The following PSPC1 variants were observed in gnomAD, a reference collection of about 807,000 sequenced individuals.
PSPC1 encodes paraspeckle component 1.
PSPC1 carries 14 observed loss-of-function variants against 51.6 expected under a neutral mutation model. The ratio of observed to expected loss-of-function variants is 0.27; its 90% CI spans 0.18 to 0.42. PSPC1 has a LOEUF of 0.42. PSPC1 is among the 10% of genes least tolerant of loss of function. The pLI is 1.00. For synonymous variants in PSPC1, 193 were observed against 231.9 expected, an observed-to-expected ratio of 0.83 and a Z score of 1.53; for missense variants, 406 against 701.1, an observed-to-expected ratio of 0.58 and a Z score of 4.75.
intron 6 of PSPC1, among the ~76,000 whole-genome samples, chr13:19,695,422 C>T (rs1165033669): frequency 1.3e-5 from 2 of 152,154 alleles, no homozygotes; most frequent in African/African-American, 4.8e-5. Flanking sequence ...CACAAACTGC[C>T]CATCTTCCAC....
chr13:19,703,317 G>A lies in PSPC1; in HGVS notation c.1430C>T (p.Ser477Leu), dbSNP rs1182662648. The A allele has an allele frequency of 6.2e-7, 1 of 1,612,772 alleles. No individual in the cohort carries two copies. The highest frequency in any genetic ancestry group is 1.3e-5 in the African/African-American group (1 of 74,878). ...AGAACCTGTTCTACTCCCCATAGGT[G>A]AACCCATCTGAGATGGTGGTCCTTG... ...FPQGPPSQMG[S>L]PMGSRTGSET... is the part of the protein sequence containing the mutation. The change falls in exon 9 of 9, where the codon TCA becomes TTA. Residue 477 changes from serine to leucine, a missense_variant. By Grantham distance (145) the Ser-to-Leu change is moderately radical (BLOSUM62 -2). Around this residue, in one of 5 missense-constraint regions of PSPC1, gnomAD observed 34 missense variants for 158.6 expected, o/e 0.21. Transcript: ENST00000338910.
At chr13:19,692,276 A>T (rs1395117517) in intron 6 of PSPC1, among the ~76,000 whole-genome samples, 1 of 152,074 alleles carries the variant, frequency 6.6e-6, no homozygotes, top group East Asian at 1.9e-4. Flanking sequence ...GGTTTGCGTC[A>T]CCATGCCCGG....
At chr13:19,694,125 A>C (rs1249332970) in intron 6 of PSPC1, among the ~76,000 whole-genome samples, 1 of 32,350 alleles carries the variant, frequency 3.1e-5, no homozygotes, top group Non-Finnish European at 6.6e-5. Flanking sequence ...TCCATCTCAA[A>C]AAAAAAAAAA....
At chr13:19,745,104 G>A (rs1885829482) in intron 4 of PSPC1, among the ~76,000 whole-genome samples, 1 of 152,110 alleles carries the variant, frequency 6.6e-6, no homozygotes, top group South Asian at 2.1e-4. Flanking sequence ...GATCACTTGA[G>A]GTCAGGAGTT....
intron 3 of PSPC1, among the ~76,000 whole-genome samples, chr13:19,758,703 C>T (rs543729347): frequency 7.3e-5 from 11 of 151,572 alleles, no homozygotes; most frequent in Middle Eastern, 3.4e-3. Flanking sequence ...GGCGTGGTGG[C>T]GCACACCTGT....
chr13:19,781,916 A>T (rs1366550836), intron 1 of PSPC1, among the ~76,000 whole-genome samples: 1 of 152,228 alleles, frequency 6.6e-6, no homozygotes, highest in Non-Finnish European at 1.5e-5. Flanking sequence ...GACCAGTGAT[A>T]CGTCTGGTCC....
chr13:19,750,506 C>T (rs1394407586), intron 4 of PSPC1, among the ~76,000 whole-genome samples: 2 of 151,496 alleles, frequency 1.3e-5, no homozygotes, highest in Non-Finnish European at 2.9e-5. Flanking sequence ...TTTCCTAAAT[C>T]CCCATATCAA....
chr13:19,765,798 G>C (rs942604616), intron 2 of PSPC1, among the ~76,000 whole-genome samples: 18 of 152,062 alleles, frequency 1.2e-4, no homozygotes, highest in African/African-American at 4.1e-4. Context: ...AGTATATCAA[G>C]GGTTAATGTT....
chr13:19,772,049 C>T (rs1160099499), intron 2 of PSPC1, among the ~76,000 whole-genome samples, 193 bp downstream of exon 2: 1 of 152,128 alleles, frequency 6.6e-6, no homozygotes, highest in African/African-American at 2.4e-5. Context: ...GATTTAAACT[C>T]TGAAGTTTGA....
intron 2 of PSPC1, among the ~76,000 whole-genome samples, chr13:19,766,932 G>A (rs948154122): frequency 2.0e-5 from 3 of 152,126 alleles, no homozygotes; most frequent in Admixed American, 6.6e-5. Flanking sequence ...GGGAGGCTGA[G>A]GCCAGCTGAG....
intron 7 of PSPC1, among the ~76,000 whole-genome samples, chr13:19,708,169 T>C (rs1164017974): frequency 4.6e-5 from 7 of 152,210 alleles, no homozygotes; most frequent in East Asian, 1.9e-4. Flanking sequence ...ATTAGTAGTA[T>C]TGAAAAACTG....
At chr13:19,691,794 T>C (rs1467351776) in intron 6 of PSPC1, among the ~76,000 whole-genome samples, 1 of 152,096 alleles carries the variant, frequency 6.6e-6, no homozygotes, top group African/African-American at 2.4e-5. Flanking sequence ...GGCAGGTGCC[T>C]GTAGTTCCAG....
chr13:19,730,492 C>G, intron 5 of PSPC1, 148 bp from the exon 6 acceptor site: 1 of 661,200 alleles, frequency 1.5e-6, no homozygotes, highest in Non-Finnish European at 2.6e-6. Flanking sequence ...ATTTACCTTC[C>G]TTCTATGTCA....
Position 19,709,186 on chromosome 13 carries a change from T to C in PSPC1, c.1216+356A>G, listed in dbSNP as rs1461079519. ...AAAAAAAAAAAAAAAAAAAGCCAAA[T>C]AGAAGGCATAAAATTTGATTTTAAA... On this transcript the variant is annotated intron_variant, in intron 7 of 8. Coordinates refer to ENST00000338910, the MANE Select transcript of PSPC1 (RefSeq NM_001354909.2). Among the ~76,000 whole-genome samples the C allele has an allele frequency of 3.1e-3, 363 of 115,390 alleles. 1 individual carries two copies. Among genetic ancestry groups the C allele is most frequent in the Non-Finnish European group, 5.3e-3 (287 of 54,136 alleles). The allele number at this position is 115,390 out of a possible 152,430, so 75.7% of individuals were successfully genotyped here.
intron 7 of PSPC1, among the ~76,000 whole-genome samples, chr13:19,677,011 G>A (rs1876712535): frequency 6.6e-6 from 1 of 152,234 alleles, no homozygotes; most frequent in Admixed American, 6.5e-5. Flanking sequence ...GAGGCGGGTG[G>A]ATCACAAAGT....
chr13:19,700,712 A>G (rs17085913), downstream of PSPC1, among the ~76,000 whole-genome samples: 1,310 of 152,208 alleles, frequency 8.6e-3, 23 homozygotes, highest in African/African-American at 0.03. Flanking sequence ...CAGTACTTCA[A>G]ATCATCACAC....
intron 6 of PSPC1, among the ~76,000 whole-genome samples, chr13:19,721,523 T>A (rs1480974080): frequency 6.6e-6 from 1 of 152,200 alleles, no homozygotes; most frequent in South Asian, 2.1e-4. Flanking sequence ...CATCATTTTA[T>A]AAACACAGAC....
At chr13:19,681,789 C>G (rs1565954354) in intron 6 of PSPC1, among the ~76,000 whole-genome samples, 3 of 152,180 alleles carry the variant, frequency 2.0e-5, no homozygotes, top group Non-Finnish European at 4.4e-5. Context: ...TGATCCTTTG[C>G]CTTCATGACA....
intron 2 of PSPC1, among the ~76,000 whole-genome samples, chr13:19,769,391 T>C (rs974816271): frequency 6.6e-6 from 1 of 151,592 alleles, no homozygotes; most frequent in African/African-American, 2.4e-5. Context: ...CCGTCTCTAC[T>C]AAAAATACAA....
Sources: allele counts gnomAD v4.1 joint callset (sites outside exome capture counted in the v4.1 genomes callset), GRCh38; gene constraint gnomAD v4.1.1; regional missense constraint gnomAD v4.1.1; transcripts MANE v1.5; gene names NCBI Gene and HGNC (gene_info 2026-07-23, HGNC 2026-07-21).